The following MYOD1 variants were observed in gnomAD, a reference collection of about 807,000 sequenced individuals.
MYOD1 encodes the protein myoblast determination protein 1.
MYOD1 carries 15 observed loss-of-function variants against 14.9 expected under a neutral mutation model. The ratio of observed to expected loss-of-function variants is 1.01; its 90% confidence interval spans 0.67 to 1.55. The LOEUF (loss-of-function observed/expected upper bound fraction) is 1.55, where lower values mean the gene tolerates loss of function less well. Among genes scored for constraint, MYOD1 ranks in the 40% most tolerant of loss-of-function variants. The pLI is 0.00. For missense variants in MYOD1, 529 were observed against 482.6 expected (o/e 1.10, Z -0.90); for synonymous variants, 235 against 218.6 (o/e 1.07, Z -0.66).
In MYOD1 at chr11:17,720,079, G is replaced by A. The variant is rs1352771819; in HGVS notation, c.297G>A (p.Lys99=). The change falls in exon 1 of 3, where the codon AAG becomes AAA. Residue 99 remains lysine (K), a synonymous_variant. Transcript: ENST00000250003. The part of the protein sequence containing the change: ...QAGRCLLWAC[K]ACKRKTTNAD... ...GCCGCTGCCTACTGTGGGCCTGCAA[G>A]GCGTGCAAGCGCAAGACCACCAACG... 3 of 1,571,666 alleles carry A rather than the reference G, an allele frequency of 1.9e-6. No individual in the cohort carries two copies. Among genetic ancestry groups the A allele is most frequent in the Non-Finnish European group, 2.6e-6 (3 of 1,158,372 alleles).
chr11:17,721,668 G>A lies in MYOD1; in HGVS notation c.*160G>A. 1 of 836,290 alleles carries A rather than the reference G, an allele frequency of 1.2e-6. No homozygotes were observed. The highest frequency in any genetic ancestry group is 1.7e-6 in the Non-Finnish European group (1 of 584,950). 51.8% of individuals were successfully genotyped at this position (836,290 alleles called of 1,614,324 possible). On this transcript the variant is annotated 3_prime_UTR_variant, in exon 3 of 3. Transcript: ENST00000250003. The surrounding 1 kb of genome is among the most constrained non-coding windows in gnomAD (Gnocchi z 6.2). ...CTGAAGTTTCCGCCCCCGCCCCACA[G>A]GGCAAGGACACAGCGCGGTTTTTTC...
chr11:17,720,332 C>G lies in MYOD1; in HGVS notation c.550C>G (p.Leu184Val), dbSNP rs528246206. 62 of 1,555,386 alleles carry G rather than the reference C, an allele frequency of 4.0e-5. No homozygotes were observed. The South Asian group carries it at 7.4e-4, about 19-fold the overall frequency. Residue 184 changes from leucine (L) to valine (V), a missense_variant, in exon 1 of 3, where the codon CTG (leucine) becomes GTG (valine). Coordinates refer to ENST00000250003, the MANE Select transcript of MYOD1 (RefSeq NM_002478.5). ...AAAAFYAPGP[L>V]PPGRGGEHYS... ...AGCCGCCTTCTATGCGCCGGGCCCG[C>G]TGCCCCCGGGCCGCGGCGGCGAGCA... is the stretch of plus-strand genomic sequence containing the variant.
In MYOD1 at chr11:17,720,061, C is replaced by T. The variant is rs1409245311; in HGVS notation, c.279C>T (p.Cys93=). 1.9e-6 allele frequency: 3 copies of T among 1,572,298 alleles called. No homozygotes were observed. The East Asian group carries it at 7.1e-5, about 37-fold the overall frequency. The change falls in exon 1 of 3, where the codon TGC becomes TGT. Residue 93 remains cysteine (C), a synonymous_variant. Transcript: ENST00000250003. The part of the protein sequence containing the change: ...APSGHHQAGR[C]LLWACKACKR... ...GCGGGCACCACCAGGCGGGCCGCTG[C>T]CTACTGTGGGCCTGCAAGGCGTGCA... is the stretch of plus-strand genomic sequence containing the variant.
chr11:17,720,842 T>A, intron 1 of MYOD1, 60 bp from the exon 2 acceptor site: 1 of 1,542,560 alleles, frequency 6.5e-7, no homozygotes, highest in Non-Finnish European at 8.9e-7. Context: ...GCTACAGGAA[T>A]TGGTGTTCGG....
chr11:17,721,683 G>A lies in MYOD1; in HGVS notation c.*175G>A, dbSNP rs567976986. On this transcript the variant is annotated 3_prime_UTR_variant, in exon 3 of 3. Coordinates refer to ENST00000250003, the MANE Select transcript of MYOD1 (RefSeq NM_002478.5). The surrounding 1 kb of genome is among the most constrained non-coding windows in gnomAD (Gnocchi z 6.2). Reference sequence around the variant, plus strand: ...CCGCCCCACAGGGCAAGGACACAGCGCGGTTTTTTCCACGCAGCACCCTTC... The same window carrying A: ...CCGCCCCACAGGGCAAGGACACAGCACGGTTTTTTCCACGCAGCACCCTTC... 15 of 745,564 alleles carry A rather than the reference G, an allele frequency of 2.0e-5. No individual in the cohort carries two copies. The East Asian group carries it at 5.0e-4, about 25-fold the overall frequency. 46.2% of individuals were successfully genotyped at this position (745,564 alleles called of 1,614,324 possible). A position where few individuals can be genotyped will look rare whatever the true frequency, so the allele number is the denominator to read the frequency against.
chr11:17,720,791 G>A, intron 1 of MYOD1, 111 bp from the exon 2 acceptor site: 1 of 1,217,378 alleles, frequency 8.2e-7, no homozygotes, highest in South Asian at 1.4e-5. Context: ...ACAGGTCTGG[G>A]CCCGGAACTA....
rs1009638700 is a variant in MYOD1, at chr11:17,721,054, C to G, written c.709+74C>G. ...TGTCCTGGCCTCTATCTAGGACGCT[C>G]CCACCCCCACTCACACACGCCTATG... On this transcript the variant is annotated intron_variant, in intron 2 of 2. Transcript: ENST00000250003. This position sits in a 1 kb window ranked among gnomAD's most constrained non-coding sequence, Gnocchi z 6.2. 7.5e-7 allele frequency: 1 copy of G among 1,325,484 alleles called. No individual in the cohort carries two copies. The allele number at this position is 1,325,484 out of a possible 1,614,324, so 82.1% of individuals were successfully genotyped here. A position where few individuals can be genotyped will look rare whatever the true frequency, so the allele number is the denominator to read the frequency against.
At position 17,720,412 on chromosome 11, in the gene MYOD1, G is replaced by C. The variant is rs749634841; in HGVS notation, c.630G>C (p.Met210Ile). ...SSPRSNCSDGMMDYSGPPSGA... is the reference protein window; with the variant it reads ...SSPRSNCSDGIMDYSGPPSGA... Reference sequence around the variant, plus strand: ...CGCGCTCCAACTGCTCCGACGGCATGGTAAGGCCGGGACCCCAGGAAGTGA... The same window carrying C: ...CGCGCTCCAACTGCTCCGACGGCATCGTAAGGCCGGGACCCCAGGAAGTGA... Residue 210 changes from methionine (M) to isoleucine (I), a missense_variant and splice_region_variant, in exon 1 of 3, where the codon ATG becomes ATC. Transcript: ENST00000250003. 2 of 1,560,150 alleles carry C rather than the reference G, an allele frequency of 1.3e-6. No homozygotes were observed. Among genetic ancestry groups the C allele is most frequent in the East Asian group, 4.9e-5 (2 of 40,732 alleles).
In MYOD1 at chr11:17,721,352, C is replaced by T. The variant is rs1848636492; in HGVS notation, c.807C>T (p.Leu269=). 6.3e-7 allele frequency: 1 copy of T among 1,594,984 alleles called. No homozygotes were observed. Among genetic ancestry groups the T allele is most frequent in the Non-Finnish European group, 8.5e-7 (1 of 1,177,148 alleles). Residue 269 remains leucine, a synonymous_variant, in exon 3 of 3, where the codon CTC becomes CTT. Coordinates refer to ENST00000250003, the MANE Select transcript of MYOD1 (RefSeq NM_002478.5). The surrounding 1 kb of genome is among the most constrained non-coding windows in gnomAD (Gnocchi z 6.2). The stretch of plus-strand genomic sequence containing the variant: ...CCGAGAGCCCTGCGGCGCCCGCCCT[C>T]CTGCTGGCGGACGTGCCTTCTGAGT... ...ISTESPAAPA[L]LLADVPSESP...
Position 17,721,225 on chromosome 11 carries a change from C to G in MYOD1, c.710-30C>G, listed in dbSNP as rs574897050. On this transcript the variant is annotated intron_variant, in intron 2 of 2. Transcript: ENST00000250003. This position sits in a 1 kb window ranked among gnomAD's most constrained non-coding sequence, Gnocchi z 6.2. ...TGGGAGGCTTGTCGCGGCCCCACCC[C>G]TGCTTACTAACCGAGCCCTCCCCGC... 3 of 1,502,694 alleles carry G rather than the reference C, an allele frequency of 2.0e-6. No homozygotes were observed. The African/African-American group carries it at 4.2e-5, about 21-fold the overall frequency. The allele number at this position is 1,502,694 out of a possible 1,614,324, so 93.1% of individuals were successfully genotyped here. A position where few individuals can be genotyped will look rare whatever the true frequency, so the allele number is the denominator to read the frequency against.
Position 17,719,896 on chromosome 11 carries a change from G to C in MYOD1, c.114G>C (p.Pro38=), listed in dbSNP as rs1848618895. 6.2e-7 allele frequency: 1 copy of C among 1,613,780 alleles called. No homozygotes were observed. The highest frequency in any genetic ancestry group is 1.1e-5 in the South Asian group (1 of 91,088). ...DFYDDPCFDS[P]DLRFFEDLDP... is the part of the protein sequence containing the mutation. ...ATGACGACCCGTGTTTCGACTCCCC[G>C]GACCTGCGCTTCTTCGAAGACCTGG... Residue 38 remains proline, a synonymous_variant, in exon 1 of 3, where the codon CCG becomes CCC. Transcript: ENST00000250003.
Position 17,720,786 on chromosome 11 carries a change from T to C in MYOD1, c.631-116T>C. On this transcript the variant is annotated intron_variant, in intron 1 of 2. Coordinates refer to ENST00000250003, the MANE Select transcript of MYOD1 (RefSeq NM_002478.5). ...TAATTACCCCCCCAACCAGGACAGG[T>C]CTGGGCCCGGAACTAGAGCCTTAGG... 3 of 1,156,586 alleles carry C rather than the reference T, an allele frequency of 2.6e-6. No individual in the cohort carries two copies. In the South Asian group the frequency reaches 4.4e-5, roughly 17 times the overall value. 71.6% of individuals were successfully genotyped at this position (1,156,586 alleles called of 1,614,324 possible). A position where few individuals can be genotyped will look rare whatever the true frequency, so the allele number is the denominator to read the frequency against.
chr11:17,721,668 G>C lies in MYOD1; in HGVS notation c.*160G>C. On this transcript the variant is annotated 3_prime_UTR_variant, in exon 3 of 3. Coordinates refer to ENST00000250003, the MANE Select transcript of MYOD1 (RefSeq NM_002478.5). This position sits in a 1 kb window ranked among gnomAD's most constrained non-coding sequence, Gnocchi z 6.2. ...CTGAAGTTTCCGCCCCCGCCCCACA[G>C]GGCAAGGACACAGCGCGGTTTTTTC... The C allele has an allele frequency of 1.2e-6, 1 of 836,290 alleles. No homozygotes were observed. The highest frequency in any genetic ancestry group is 1.7e-6 in the Non-Finnish European group (1 of 584,950). The allele number at this position is 836,290 out of a possible 1,614,324, so 51.8% of individuals were successfully genotyped here. A position where few individuals can be genotyped will look rare whatever the true frequency, so the allele number is the denominator to read the frequency against.
In MYOD1 at chr11:17,721,030, G is replaced by C. The variant is rs1413231570; in HGVS notation, c.709+50G>C. The C allele has an allele frequency of 6.6e-7, 1 of 1,511,256 alleles. No individual in the cohort carries two copies. The allele number at this position is 1,511,256 out of a possible 1,614,324, so 93.6% of individuals were successfully genotyped here. A position where few individuals can be genotyped will look rare whatever the true frequency, so the allele number is the denominator to read the frequency against. ...CTCGCTCCTCCTCCTTCATGGAGCT[G>C]TCCTGGCCTCTATCTAGGACGCTCC... On this transcript the variant is annotated intron_variant, in intron 2 of 2. Coordinates refer to ENST00000250003, the MANE Select transcript of MYOD1 (RefSeq NM_002478.5). The surrounding 1 kb of genome is among the most constrained non-coding windows in gnomAD (Gnocchi z 6.2).
chr11:17,721,982 A>T lies in MYOD1; in HGVS notation c.*474A>T, dbSNP rs2133765885. 1 of 223,986 alleles carries T rather than the reference A, an allele frequency of 4.5e-6. No homozygotes were observed. The highest frequency in any genetic ancestry group is 8.9e-6 in the Non-Finnish European group (1 of 112,740). 13.9% of individuals were successfully genotyped at this position (223,986 alleles called of 1,614,324 possible). On this transcript the variant is annotated 3_prime_UTR_variant, in exon 3 of 3. Coordinates refer to ENST00000250003, the MANE Select transcript of MYOD1 (RefSeq NM_002478.5). The surrounding 1 kb of genome is among the most constrained non-coding windows in gnomAD (Gnocchi z 6.2). Reference sequence around the variant, plus strand: ...CTTTTGTAATCTATTCCTGTAAATAAGAGTTGCTTTGCCAGAGCAGGAGCC... The same window carrying T: ...CTTTTGTAATCTATTCCTGTAAATATGAGTTGCTTTGCCAGAGCAGGAGCC...
Position 17,719,680 on chromosome 11 carries a change from C to T in MYOD1, c.-103C>T, listed in dbSNP as rs1848616515. On this transcript the variant is annotated 5_prime_UTR_variant, in exon 1 of 3. Coordinates refer to ENST00000250003, the MANE Select transcript of MYOD1 (RefSeq NM_002478.5). ...TGGGTGGGCATTCAGACTGCCAGCA[C>T]TTTGCTATCTACAGCCGGGGCTCCC... 3 of 1,436,500 alleles carry T rather than the reference C, an allele frequency of 2.1e-6. No homozygotes were observed. The Admixed American group carries it at 6.6e-5, about 31-fold the overall frequency. 89.0% of individuals were successfully genotyped at this position (1,436,500 alleles called of 1,614,324 possible).
In MYOD1 at chr11:17,719,812, C is replaced by T. The variant is rs202087746; in HGVS notation, c.30C>T (p.Asp10=). Residue 10 remains aspartate, a synonymous_variant, in exon 1 of 3, where the codon GAC becomes GAT. Transcript: ENST00000250003. The part of the protein sequence containing the change: MELLSPPLR[D]VDLTAPDGSL... ...AGCTACTGTCGCCACCGCTCCGCGA[C>T]GTAGACCTGACGGCCCCCGACGGCT... 7 of 1,613,400 alleles carry T rather than the reference C, an allele frequency of 4.3e-6. No homozygotes were observed. In the East Asian group the frequency reaches 1.1e-4, roughly 26 times the overall value.
At chr11:17,720,772 C>T (rs771282648) in intron 1 of MYOD1, 130 bp from the exon 2 acceptor site, 4 of 1,029,174 alleles carry the variant, frequency 3.9e-6, no homozygotes, top group Admixed American at 2.5e-5. Context: ...AATTACCCCC[C>T]CAACCAGGAC....
In MYOD1 at chr11:17,719,604, T is replaced by C. The variant is rs914909339; in HGVS notation, c.-179T>C. The stretch of plus-strand genomic sequence containing the variant: ...GGAAGCCCTGGGGCGCTGCCGCCGC[T>C]TTCCTTAACCACAAATCAGGCCGGA... On this transcript the variant is annotated 5_prime_UTR_variant, in exon 1 of 3. Coordinates refer to ENST00000250003, the MANE Select transcript of MYOD1 (RefSeq NM_002478.5). The C allele has an allele frequency of 3.6e-5, 29 of 811,896 alleles. No individual in the cohort carries two copies. The highest frequency in any genetic ancestry group is 2.8e-5 in the Non-Finnish European group (15 of 538,262). The allele number at this position is 811,896 out of a possible 1,614,324, so 50.3% of individuals were successfully genotyped here.
Sources: gnomAD v4.1 joint callset for allele counts on GRCh38, gnomAD v4.1.1 for gene constraint, Gnocchi (gnomAD v3.1) non-coding constraint, MANE v1.5 for transcripts, NCBI Gene and HGNC (gene_info 2026-07-23, HGNC 2026-07-21) for gene names.